Variants in PCDH9 observed in about 807,000 individuals in gnomAD.
PCDH9 encodes the protein protocadherin-9.
In PCDH9, 24 loss-of-function variants were observed where a neutral mutation model predicts 70.6. The ratio of observed to expected loss-of-function variants is 0.34; its 90% CI spans 0.25 to 0.48. PCDH9 has a LOEUF of 0.48. Ranked by LOEUF, PCDH9 falls within the 20% of genes least tolerant of loss-of-function variation. The pLI is 0.99. For synonymous variants in PCDH9, 562 were observed against 558.5 expected, an observed-to-expected ratio of 1.01 and a Z score of -0.09; for missense variants, 1,281 against 1,503.6, an observed-to-expected ratio of 0.85 and a Z score of 2.45.
chr13:67,156,279 C>G (rs2087810625), intron 2 of PCDH9, among the ~76,000 whole-genome samples: 1 of 152,018 alleles, frequency 6.6e-6, no homozygotes, highest in Non-Finnish European at 1.5e-5. Context: ...TGTAGAGGAG[C>G]GGATCAGCAG....
rs183531545 is a variant in PCDH9 at position 67,104,693 on chromosome 13, C to T, written c.3036+120712G>A. Among the ~76,000 whole-genome samples the T allele has an allele frequency of 3.2e-3, 481 of 152,168 alleles. 3 individuals are homozygous for T. The highest frequency in any genetic ancestry group is 0.011 in the African/African-American group (467 of 41,514). ...CCTCTCGAGTAGCTGGGACTACAAG[C>T]GCCCACCACCACGCTAGGCTAATTT... On this transcript the variant is annotated intron_variant, in intron 2 of 4. Coordinates refer to ENST00000377865, the MANE Select transcript of PCDH9 (RefSeq NM_203487.3).
chr13:67,110,564 T>C (rs2086640021), intron 2 of PCDH9, among the ~76,000 whole-genome samples: 1 of 141,926 alleles, frequency 7.0e-6, no homozygotes, highest in South Asian at 2.3e-4. Flanking sequence ...CACAACTACA[T>C]AAGGGATCTG....
At chr13:66,983,677 T>C (rs551783767) in intron 2 of PCDH9, among the ~76,000 whole-genome samples, 1 of 152,106 alleles carries the variant, frequency 6.6e-6, no homozygotes, top group East Asian at 1.9e-4. Flanking sequence ...AACTCACTCT[T>C]TTTTAAAAAA....
intron 2 of PCDH9, among the ~76,000 whole-genome samples, chr13:67,180,204 T>G (rs1029010255): frequency 6.6e-6 from 1 of 152,282 alleles, no homozygotes; most frequent in East Asian, 1.9e-4. Flanking sequence ...TTTATCTCCT[T>G]AATTATGTAT....
At chr13:67,086,208 C>A (rs994317859) in intron 2 of PCDH9, among the ~76,000 whole-genome samples, 3 of 152,074 alleles carry the variant, frequency 2.0e-5, no homozygotes, top group Non-Finnish European at 2.9e-5. Flanking sequence ...ATCTATATAT[C>A]AGGCCTCATT....
chr13:67,161,655 T>C, intron 2 of PCDH9, among the ~76,000 whole-genome samples: 1 of 152,194 alleles, frequency 6.6e-6, no homozygotes, highest in East Asian at 1.9e-4. Context: ...GACCGTAGAA[T>C]GTACCACTCA....
intron 2 of PCDH9, among the ~76,000 whole-genome samples, chr13:67,043,702 G>A (rs74559776): frequency 6.6e-6 from 1 of 152,022 alleles, no homozygotes; most frequent in Non-Finnish European, 1.5e-5. Flanking sequence ...CATAGTTAGA[G>A]CAAATTAGGG....
chr13:66,653,819 T>A (rs550560435), intron 3 of PCDH9, among the ~76,000 whole-genome samples: 67 of 151,626 alleles, frequency 4.4e-4, no homozygotes, highest in African/African-American at 1.5e-3. Context: ...TACAAAAAAA[T>A]TAGCTAGGCG....
At chr13:66,428,322 C>T (rs370746) in intron 4 of PCDH9, among the ~76,000 whole-genome samples, 5,716 of 151,656 alleles carry the variant, frequency 0.038, 333 homozygotes, top group African/African-American at 0.13. Flanking sequence ...TATTAATAAA[C>T]GTCTAGAACC....
chr13:66,871,240 G>T (rs1444341511), intron 3 of PCDH9, among the ~76,000 whole-genome samples: 1 of 151,090 alleles, frequency 6.6e-6, no homozygotes, highest in Non-Finnish European at 1.5e-5. Context: ...GACTGTTGTG[G>T]GGTGGGGGGA....
chr13:66,326,540 T>C (rs1283886967), intron 4 of PCDH9, among the ~76,000 whole-genome samples: 10 of 151,814 alleles, frequency 6.6e-5, no homozygotes. Context: ...TGCCTCAGCC[T>C]CCCGAGTAGC....
chr13:66,368,933 C>T (rs1038526898), intron 4 of PCDH9, among the ~76,000 whole-genome samples: 5 of 151,966 alleles, frequency 3.3e-5, no homozygotes, highest in South Asian at 2.1e-4. Flanking sequence ...AAGAACTGCC[C>T]CCAGGATTCA....
intron 2 of PCDH9, among the ~76,000 whole-genome samples, chr13:67,103,817 G>C (rs1359319562): frequency 6.6e-6 from 1 of 152,068 alleles, no homozygotes; most frequent in Non-Finnish European, 1.5e-5. Context: ...AGGCAGTGGG[G>C]AACCATCGAA....
At chr13:66,397,020 A>G (rs1957111915) in intron 4 of PCDH9, among the ~76,000 whole-genome samples, 2 of 152,184 alleles carry the variant, frequency 1.3e-5, no homozygotes, top group South Asian at 4.1e-4. Flanking sequence ...ATCCACTCCA[A>G]GAGAACATTA....
At chr13:66,972,300 A>G (rs1202898885) in intron 2 of PCDH9, among the ~76,000 whole-genome samples, 2 of 151,978 alleles carry the variant, frequency 1.3e-5, no homozygotes, top group Non-Finnish European at 1.5e-5. Context: ...TTTTTCTACC[A>G]AATATACAAG....
Position 67,028,311 on chromosome 13 carries a change from C to T in PCDH9, c.3037-124706G>A, listed in dbSNP as rs941307758. On this transcript the variant is annotated intron_variant, in intron 2 of 4. Transcript: ENST00000377865. ...GAAATCATCATTCTCAGTAAACTAT[C>T]GCAAGAACAAAAAACCAAACACCGC... Among the ~76,000 whole-genome samples, 13 of 145,896 alleles carry T rather than the reference C, an allele frequency of 8.9e-5. 1 individual carries two copies. The South Asian group carries it at 1.6e-3, about 18-fold the overall frequency.
intron 4 of PCDH9, among the ~76,000 whole-genome samples, chr13:66,619,365 T>C (rs1414512800): frequency 1.3e-5 from 2 of 152,196 alleles, no homozygotes; most frequent in African/African-American, 4.8e-5. Context: ...CCATCAGGCA[T>C]GGTAAATACA....
chr13:66,839,975 G>A (rs1243922949), intron 3 of PCDH9, among the ~76,000 whole-genome samples: 1 of 152,104 alleles, frequency 6.6e-6, no homozygotes, highest in Non-Finnish European at 1.5e-5. Context: ...GACTTCATGA[G>A]ACTTTTGCCT....
chr13:66,784,003 G>C (rs979649050), intron 3 of PCDH9, among the ~76,000 whole-genome samples: 1 of 152,028 alleles, frequency 6.6e-6, no homozygotes, highest in African/African-American at 2.4e-5. Flanking sequence ...TTAAATAATT[G>C]AGAAAACCTT....
Sources: gnomAD v4.1 joint callset for allele counts (sites outside exome capture counted in the v4.1 genomes callset) on GRCh38, gnomAD v4.1.1 for gene constraint, MANE v1.5 for transcripts, NCBI Gene and HGNC (gene_info 2026-07-23, HGNC 2026-07-21) for gene names.